Variants in BBOX1 observed in about 807,000 individuals in gnomAD.
BBOX1 encodes the protein gamma-butyrobetaine dioxygenase.
BBOX1 carries 35 observed loss-of-function variants against 41.6 expected under a neutral mutation model. The ratio of observed to expected loss-of-function variants is 0.84; its 90% CI spans 0.64 to 1.11. BBOX1 has a LOEUF of 1.11. BBOX1 is among the 50% of genes most tolerant of loss of function. BBOX1 has a pLI of 0.00. For synonymous variants in BBOX1, 163 were observed against 154.7 expected (o/e 1.05, Z -0.40); for missense variants, 458 against 460.6 (o/e 0.99, Z 0.05).
intron 5 of BBOX1, among the ~76,000 whole-genome samples, chr11:27,098,060 G>T (rs1858507369): frequency 6.6e-6 from 1 of 151,888 alleles, no homozygotes; most frequent in South Asian, 2.1e-4. Flanking sequence ...TTAACCTTTT[G>T]TTTGCTGCAT....
intron 5 of BBOX1, among the ~76,000 whole-genome samples, chr11:27,114,248 T>A (rs980603618): frequency 2.0e-5 from 3 of 151,796 alleles, no homozygotes. Context: ...TGACAGAAGT[T>A]AAAGAAAACC....
rs1218698893 is a variant in BBOX1 at position 27,093,393 on chromosome 11, G to A, written c.533+27G>A. On this transcript the variant is annotated intron_variant, in intron 5 of 8. Coordinates refer to ENST00000263182, the MANE Select transcript of BBOX1 (RefSeq NM_003986.3). ...TGAGTCACCAAATGGTTTGTATTCTGCCATCACAGATAAGGTTTGAAATAG... is the reference window on the plus strand; with the variant it reads ...TGAGTCACCAAATGGTTTGTATTCTACCATCACAGATAAGGTTTGAAATAG... 8 of 1,606,144 alleles carry A rather than the reference G, an allele frequency of 5.0e-6. No homozygotes were observed. In the East Asian group the frequency reaches 1.6e-4, roughly 31 times the overall value.
At chr11:27,092,617 C>A (rs1287271426) in intron 4 of BBOX1, among the ~76,000 whole-genome samples, 2 of 151,906 alleles carry the variant, frequency 1.3e-5, no homozygotes, top group African/African-American at 4.8e-5. Context: ...AATATACCTT[C>A]ATCTTTTCTT....
chr11:27,104,155 C>A (rs935833699), intron 5 of BBOX1, among the ~76,000 whole-genome samples: 1 of 152,122 alleles, frequency 6.6e-6, no homozygotes, highest in Admixed American at 6.6e-5. Flanking sequence ...CTATTCAGAT[C>A]CCTTATCATG....
At chr11:27,110,301 T>A (rs1304088620) in intron 5 of BBOX1, among the ~76,000 whole-genome samples, 4 of 151,974 alleles carry the variant, frequency 2.6e-5, no homozygotes, top group Admixed American at 2.6e-4. Context: ...TCTTTGAAAC[T>A]ACAATTCCAA....
intron 7 of BBOX1, among the ~76,000 whole-genome samples, chr11:27,120,601 T>G (rs1029496974): frequency 3.9e-5 from 6 of 152,142 alleles, no homozygotes; most frequent in African/African-American, 1.4e-4. Context: ...TAATATTATT[T>G]TATTATAATT....
chr11:27,109,643 T>C (rs898473183), intron 5 of BBOX1, among the ~76,000 whole-genome samples: 1 of 152,006 alleles, frequency 6.6e-6, no homozygotes, highest in Non-Finnish European at 1.5e-5. Flanking sequence ...AATATGGCAA[T>C]AGTTGGCAAG....
At chr11:27,111,838 G>A (rs953966009) in intron 5 of BBOX1, among the ~76,000 whole-genome samples, 1 of 151,892 alleles carries the variant, frequency 6.6e-6, no homozygotes, top group Non-Finnish European at 1.5e-5. Flanking sequence ...GAGGGGAAGT[G>A]GCTCCCTTTA....
intron 5 of BBOX1, among the ~76,000 whole-genome samples, chr11:27,112,073 C>T (rs1859089013): frequency 6.6e-6 from 1 of 151,934 alleles, no homozygotes; most frequent in Non-Finnish European, 1.5e-5. Context: ...CTGCATTTTG[C>T]TGCCAGTTTC....
intron 5 of BBOX1, among the ~76,000 whole-genome samples, chr11:27,110,307 T>A (rs1859012507): frequency 6.6e-6 from 1 of 151,932 alleles, no homozygotes; most frequent in Non-Finnish European, 1.5e-5. Flanking sequence ...AAACTACAAT[T>A]CCAATGAATA....
Position 27,081,209 on chromosome 11 carries a change from T to C in BBOX1, c.335-11959T>C, listed in dbSNP as rs527427781. Among the ~76,000 whole-genome samples the C allele has an allele frequency of 9.2e-5, 14 of 152,250 alleles. No individual in the cohort carries two copies. In the South Asian group the frequency reaches 2.9e-3, roughly 32 times the overall value. Reference sequence around the variant, plus strand: ...GAACTAGCTTCAGAAATAAAGTACATGAATCCAGGAGACAAATACTTGGCT... The same window carrying C: ...GAACTAGCTTCAGAAATAAAGTACACGAATCCAGGAGACAAATACTTGGCT... On this transcript the variant is annotated intron_variant, in intron 4 of 8. Coordinates refer to ENST00000263182, the MANE Select transcript of BBOX1 (RefSeq NM_003986.3).
chr11:27,092,966 T>C (rs1225921835), intron 4 of BBOX1, among the ~76,000 whole-genome samples: 1 of 151,938 alleles, frequency 6.6e-6, no homozygotes, highest in Non-Finnish European at 1.5e-5. Flanking sequence ...GACACAGTTA[T>C]AAGCAGGAGG....
chr11:27,048,462 T>G (rs1263649957), intron 2 of BBOX1, among the ~76,000 whole-genome samples: 1 of 117,598 alleles, frequency 8.5e-6, no homozygotes, highest in Non-Finnish European at 1.8e-5. Flanking sequence ...TTGAATAATA[T>G]TGAGGTGTGT....
chr11:27,073,948 G>T (rs1271695871), intron 4 of BBOX1, among the ~76,000 whole-genome samples: 1 of 152,016 alleles, frequency 6.6e-6, no homozygotes, highest in Non-Finnish European at 1.5e-5. Context: ...AGCATTAGGA[G>T]ATATACCTAA....
intron 6 of BBOX1, among the ~76,000 whole-genome samples, chr11:27,116,838 T>C (rs867911120): frequency 6.6e-6 from 1 of 151,946 alleles, no homozygotes; most frequent in Non-Finnish European, 1.5e-5. Context: ...AATAGACCGC[T>C]TATGGAGGAA....
chr11:27,091,234 C>T (rs1386343860), intron 4 of BBOX1, among the ~76,000 whole-genome samples: 1 of 151,934 alleles, frequency 6.6e-6, no homozygotes, highest in Non-Finnish European at 1.5e-5. Flanking sequence ...GTATCCTGAA[C>T]ATATCTCAAC....
intron 6 of BBOX1, among the ~76,000 whole-genome samples, chr11:27,116,489 AACTC>A (rs1859269096): frequency 6.6e-6 from 1 of 151,818 alleles, no homozygotes; most frequent in Non-Finnish European, 1.5e-5. Context: ...AAAAAATAAT[AACTC>A]ACTCCCTAAC....
chr11:27,125,932 C>A, intron 8 of BBOX1, 112 bp downstream of exon 8: 3 of 1,147,120 alleles, frequency 2.6e-6, no homozygotes, highest in Non-Finnish European at 3.6e-6. Context: ...AGAACACCAA[C>A]AACAGAATCT....
At chr11:27,047,805 A>G (rs1851532798) in intron 2 of BBOX1, among the ~76,000 whole-genome samples, 1 of 152,038 alleles carries the variant, frequency 6.6e-6, no homozygotes. Flanking sequence ...GTTATTATAC[A>G]TAAAGAACTT....
Sources: allele counts gnomAD v4.1 joint callset (sites outside exome capture counted in the v4.1 genomes callset), GRCh38; gene constraint gnomAD v4.1.1; transcripts MANE v1.5; gene names NCBI Gene and HGNC (gene_info 2026-07-23, HGNC 2026-07-21).